NLRP4: variants seen among roughly 807,000 people sequenced by gnomAD.
NLRP4 encodes the protein NACHT, LRR and PYD domains-containing protein 4.
Under a neutral mutation model 84.7 loss-of-function variants are expected in NLRP4, and 44 were observed. The ratio of observed to expected loss-of-function variants is 0.52; its 90% confidence interval spans 0.41 to 0.67. The LOEUF is 0.67. NLRP4 is among the 30% of genes least tolerant of loss of function. NLRP4 has a pLI of 0.00. For missense variants in NLRP4, 1,260 were observed against 1,219.4 expected, an observed-to-expected ratio of 1.03 and a Z score of -0.50; for synonymous variants, 544 against 476.4, an observed-to-expected ratio of 1.14 and a Z score of -1.85.
intron 1 of NLRP4, 54 bp downstream of exon 1, chr19:55,836,988 T>C (rs1303431897): frequency 6.6e-6 from 1 of 152,250 alleles, no homozygotes; most frequent in Non-Finnish European, 1.5e-5. Context: ...TCTGCTCTTG[T>C]GAGCTTGCTC....
intron 4 of NLRP4, 79 bp from the exon 5 acceptor site, chr19:55,861,913 A>G: frequency 1.1e-6 from 1 of 951,630 alleles, no homozygotes; most frequent in Non-Finnish European, 1.7e-6. Flanking sequence ...TTCATGATGG[A>G]TGATGAGAGA....
intron 9 of NLRP4, among the ~76,000 whole-genome samples, chr19:55,880,770 A>G (rs913756326): frequency 6.6e-6 from 1 of 152,168 alleles, no homozygotes; most frequent in African/African-American, 2.4e-5. Flanking sequence ...GGCTCCAGAA[A>G]CAAATTGCTT....
chr19:55,851,866 C>T, intron 1 of NLRP4, 150 bp from the exon 2 acceptor site: 1 of 521,572 alleles, frequency 1.9e-6, no homozygotes, highest in Non-Finnish European at 3.3e-6. Flanking sequence ...TTGAGACTTT[C>T]ATGACCATTT....
At chr19:55,869,144 G>C (rs302434) in intron 6 of NLRP4, among the ~76,000 whole-genome samples, 96,621 of 151,916 alleles carry the variant, frequency 0.64, 31,134 homozygotes, top group East Asian at 0.81. Context: ...GGGGAACCCA[G>C]ATGGAAGTTG....
intron 1 of NLRP4, among the ~76,000 whole-genome samples, chr19:55,837,345 C>T (rs1362664397): frequency 6.6e-6 from 1 of 151,994 alleles, no homozygotes; most frequent in African/African-American, 2.4e-5. Flanking sequence ...ATATGTACCC[C>T]TGAACCTAAC....
At chr19:55,876,340 A>G (rs2123067427) in intron 7 of NLRP4, among the ~76,000 whole-genome samples, 1 of 152,210 alleles carries the variant, frequency 6.6e-6, no homozygotes, top group Middle Eastern at 3.4e-3. Context: ...TCAAGTTCCT[A>G]ATGTAAAATG....
Position 55,878,801 on chromosome 19 carries a change from G to T in NLRP4, c.2704G>T (p.Glu902Ter), listed in dbSNP as rs772259410. 2 of 1,611,688 alleles carry T rather than the reference G, an allele frequency of 1.2e-6. No individual in the cohort carries two copies. The highest frequency in any genetic ancestry group is 1.7e-6 in the Non-Finnish European group (2 of 1,178,484). The change falls in exon 9 of 10, where the codon GAA (glutamate) becomes TAA (stop). Residue 902 changes from glutamate (E) to a stop codon, truncating the protein, a stop_gained. Transcript: ENST00000301295. LOFTEE classifies it high-confidence loss of function. ...DCRLEILGLE[E>*]CGLTSTCCKD... ...TGTGTCTTTTTATTGCAGGTTGGAA[G>T]AATGTGGGTTAACGAGCACCTGCTG...
intron 9 of NLRP4, among the ~76,000 whole-genome samples, chr19:55,879,394 C>G (rs926195317): frequency 6.6e-6 from 1 of 152,028 alleles, no homozygotes; most frequent in African/African-American, 2.4e-5. Flanking sequence ...TATAGACGAG[C>G]TGGTGGGAGG....
At chr19:55,849,963 T>TG (rs1156684138) in intron 1 of NLRP4, among the ~76,000 whole-genome samples, 3 of 147,166 alleles carry the variant, frequency 2.0e-5, no homozygotes, top group East Asian at 2.0e-4. Context: ...GACTGCGGTG[T>TG]AATTTCCGTA....
intron 5 of NLRP4, among the ~76,000 whole-genome samples, chr19:55,866,728 T>G (rs1173129322): frequency 6.6e-6 from 1 of 152,148 alleles, no homozygotes; most frequent in Non-Finnish European, 1.5e-5. Flanking sequence ...GCATTCCACT[T>G]GGCGGGCACA....
chr19:55,849,972 T>A (rs145678482), intron 1 of NLRP4, among the ~76,000 whole-genome samples: 13 of 92,704 alleles, frequency 1.4e-4, no homozygotes, highest in African/African-American at 9.0e-4. Context: ...GTAATTTCCG[T>A]AGCTGCGGTG....
chr19:55,865,597 C>T (rs1263999987), intron 5 of NLRP4, among the ~76,000 whole-genome samples: 1 of 152,142 alleles, frequency 6.6e-6, no homozygotes, highest in Non-Finnish European at 1.5e-5. Flanking sequence ...TGTAAGTGTA[C>T]ACTTTTCTCT....
At position 55,846,443 on chromosome 19, in the gene NLRP4, G is replaced by C. The variant is rs536440647; in HGVS notation, c.-65-5573G>C. Among the ~76,000 whole-genome samples the C allele has an allele frequency of 4.6e-5, 7 of 152,190 alleles. No individual in the cohort carries two copies. In the South Asian group the frequency reaches 1.2e-3, roughly 27 times the overall value. On this transcript the variant is annotated intron_variant, in intron 1 of 9. Coordinates refer to ENST00000301295, the MANE Select transcript of NLRP4 (RefSeq NM_134444.5). ...CCACATCAAGAAAAGTCCAACTCTA[G>C]TTGCCTGCTTCTCCAAGATGGTCTC...
chr19:55,852,891 C>G (rs73622434), intron 2 of NLRP4, among the ~76,000 whole-genome samples: 1 of 152,130 alleles, frequency 6.6e-6, no homozygotes, highest in South Asian at 2.1e-4. Flanking sequence ...TCTGGGTCAC[C>G]AATGATTTTT....
In NLRP4 at chr19:55,850,103, TAATTACC is replaced by T. The variant is rs1984006396; in HGVS notation, c.-65-1912_-65-1906del. Among the ~76,000 whole-genome samples, 9 of 134,292 alleles carry T rather than the reference TAATTACC, an allele frequency of 6.7e-5. 1 individual carries two copies. The highest frequency in any genetic ancestry group is 2.3e-4 in the African/African-American group (8 of 34,088). 88.1% of individuals were successfully genotyped at this position (134,292 alleles called of 152,430 possible). A position where few individuals can be genotyped will look rare whatever the true frequency, so the allele number is the denominator to read the frequency against. Reference sequence around the variant, plus strand: ...CGGTGTAATTTCCGTGGCTGCGGTGTAATTACCGTAGCTGCGGTGTAATTTCCGTGGC... The same window carrying T: ...CGGTGTAATTTCCGTGGCTGCGGTGTGTAGCTGCGGTGTAATTTCCGTGGC... On this transcript the variant is annotated intron_variant, in intron 1 of 9. Coordinates refer to ENST00000301295, the MANE Select transcript of NLRP4 (RefSeq NM_134444.5).
At position 55,859,259 on chromosome 19, in the gene NLRP4, T is replaced by A; in HGVS notation, c.1856+10T>A. ...ATGAACACAGCTCTACGTGAGTCCA[T>A]CCTATGACTTTTTCTCTCTTCTCAG... On this transcript the variant is annotated intron_variant, in intron 3 of 9. Transcript: ENST00000301295. 1.3e-6 allele frequency: 2 copies of A among 1,573,364 alleles called. No homozygotes were observed. The highest frequency in any genetic ancestry group is 1.7e-6 in the Non-Finnish European group (2 of 1,156,328).
intron 7 of NLRP4, among the ~76,000 whole-genome samples, chr19:55,873,489 G>A (rs929178502): frequency 6.6e-6 from 1 of 152,102 alleles, no homozygotes; most frequent in African/African-American, 2.4e-5. Context: ...AAATGTTTCA[G>A]CTAAAAGATT....
chr19:55,868,263 C>T (rs1003369407), intron 6 of NLRP4, among the ~76,000 whole-genome samples: 5 of 151,982 alleles, frequency 3.3e-5, no homozygotes, highest in East Asian at 1.9e-4. Context: ...AGGACAGTAG[C>T]GGGGAAAAAT....
chr19:55,857,549 C>G (rs1224887555), intron 2 of NLRP4, 125 bp from the exon 3 acceptor site: 12 of 750,078 alleles, frequency 1.6e-5, no homozygotes, highest in Non-Finnish European at 2.6e-5. Flanking sequence ...GGAGACTGAC[C>G]AGGTTTGGCC....
Sources: allele counts gnomAD v4.1 joint callset (sites outside exome capture counted in the v4.1 genomes callset), GRCh38; gene constraint gnomAD v4.1.1; transcripts MANE v1.5; gene names NCBI Gene and HGNC (gene_info 2026-07-23, HGNC 2026-07-21).